The following EDC4 variants were observed in gnomAD, a reference collection of about 807,000 sequenced individuals.
The protein encoded by EDC4 is enhancer of mRNA decapping 4.
A neutral mutation model predicts 155.8 loss-of-function variants in EDC4; 64 were observed. That is an observed-to-expected ratio of 0.41 (90% confidence interval 0.34 to 0.51). The LOEUF is 0.51. Ranked by LOEUF, EDC4 falls within the 20% of genes least tolerant of loss-of-function variation. The pLI is 0.19. For synonymous variants in EDC4, 684 were observed against 716.8 expected, an observed-to-expected ratio of 0.95 and a Z score of 0.73; for missense variants, 1,303 against 1,812.5, an observed-to-expected ratio of 0.72 and a Z score of 5.10.
chr16:67,879,303 A>G lies in EDC4; in HGVS notation c.1535A>G (p.His512Arg). 6.2e-7 allele frequency: 1 copy of G among 1,614,188 alleles called. No individual in the cohort carries two copies. Among genetic ancestry groups the G allele is most frequent in the Non-Finnish European group, 8.5e-7 (1 of 1,180,018 alleles). Residue 512 changes from histidine to arginine, a missense_variant, in exon 13 of 29, where the codon CAT becomes CGT. Physicochemically the swap from His to Arg is conservative, Grantham distance 29. Around this residue, in one of 5 missense-constraint regions of EDC4, gnomAD observed 391 missense variants for 445.4 expected, o/e 0.88. Transcript: ENST00000358933. This position sits in a 1 kb window ranked among gnomAD's most constrained non-coding sequence, Gnocchi z 6.0. ...AGVLIKLFCV[H>R]TKALQDVQIR... is the part of the protein sequence containing the mutation. The stretch of plus-strand genomic sequence containing the variant: ...GTGCTCATCAAGCTCTTTTGTGTGC[A>G]TACTAAGTGAGTGAGTGGGGAGGCC...
Position 67,879,376 on chromosome 16 carries a change from T to A in EDC4, c.1542-36T>A. 1 of 1,614,194 alleles carries A rather than the reference T, an allele frequency of 6.2e-7. No individual in the cohort carries two copies. Among genetic ancestry groups the A allele is most frequent in the Non-Finnish European group, 8.5e-7 (1 of 1,180,028 alleles). ...GTCTCCACTCTACTGACCCTTGCCC[T>A]TGGAGCACTTTATTCTCCCCCTTCT... On this transcript the variant is annotated intron_variant, in intron 13 of 28. Transcript: ENST00000358933. The surrounding 1 kb of genome is among the most constrained non-coding windows in gnomAD (Gnocchi z 6.0).
Position 67,879,242 on chromosome 16 carries a change from A to G in EDC4, c.1474A>G (p.Thr492Ala), listed in dbSNP as rs769842644. 6.2e-7 allele frequency: 1 copy of G among 1,614,110 alleles called. No homozygotes were observed. Among genetic ancestry groups the G allele is most frequent in the Non-Finnish European group, 8.5e-7 (1 of 1,180,002 alleles). ...EENDSLGADGTHGAGAMESAA... is the reference protein window; with the variant it reads ...EENDSLGADGAHGAGAMESAA... ...CATCCACACTGTCCTTTCAGATGGT[A>G]CCCATGGAGCCGGTGCCATGGAGTC... Residue 492 changes from threonine (T) to alanine (A), a missense_variant, in exon 13 of 29, where the codon ACC (threonine) becomes GCC (alanine). Coordinates refer to ENST00000358933, the MANE Select transcript of EDC4 (RefSeq NM_014329.5). This position sits in a 1 kb window ranked among gnomAD's most constrained non-coding sequence, Gnocchi z 6.0.
In EDC4 at chr16:67,882,169, G is replaced by A. The variant is rs1427033064; in HGVS notation, c.3161-43G>A. The A allele has an allele frequency of 6.2e-7, 1 of 1,613,278 alleles. No individual in the cohort carries two copies. Among genetic ancestry groups the A allele is most frequent in the Non-Finnish European group, 8.5e-7 (1 of 1,179,782 alleles). On this transcript the variant is annotated intron_variant, in intron 23 of 28. Coordinates refer to ENST00000358933, the MANE Select transcript of EDC4 (RefSeq NM_014329.5). This position sits in a 1 kb window ranked among gnomAD's most constrained non-coding sequence, Gnocchi z 7.2. ...CAGGTGGGAGTGGGGTACCTGTCAAGCTTCTTCTCATGGCTCCACCTCACC... is the reference window on the plus strand; with the variant it reads ...CAGGTGGGAGTGGGGTACCTGTCAAACTTCTTCTCATGGCTCCACCTCACC...
At chr16:67,875,033 T>A (rs1598174714) in intron 1 of EDC4, among the ~76,000 whole-genome samples, 1 of 152,280 alleles carries the variant, frequency 6.6e-6, no homozygotes, top group East Asian at 1.9e-4. Context: ...TGAGCCGAGA[T>A]CGCGCCAAAA....
Position 67,879,367 on chromosome 16 carries a change from C to G in EDC4, c.1542-45C>G, listed in dbSNP as rs1482726790. Reference sequence around the variant, plus strand: ...TCTGTGTCTGTCTCCACTCTACTGACCCTTGCCCTTGGAGCACTTTATTCT... The same window carrying G: ...TCTGTGTCTGTCTCCACTCTACTGAGCCTTGCCCTTGGAGCACTTTATTCT... On this transcript the variant is annotated intron_variant, in intron 13 of 28. Coordinates refer to ENST00000358933, the MANE Select transcript of EDC4 (RefSeq NM_014329.5). This position sits in a 1 kb window ranked among gnomAD's most constrained non-coding sequence, Gnocchi z 6.0. 1.2e-6 allele frequency: 2 copies of G among 1,614,204 alleles called. No individual in the cohort carries two copies. Among genetic ancestry groups the G allele is most frequent in the Admixed American group, 3.3e-5 (2 of 60,032 alleles).
rs1555497176 is a variant in EDC4, at chr16:67,879,864, C to T, written c.1836C>T (p.Pro612=). 2 of 1,590,984 alleles carry T rather than the reference C, an allele frequency of 1.3e-6. No individual in the cohort carries two copies. The highest frequency in any genetic ancestry group is 2.3e-5 in the South Asian group (2 of 88,386). The part of the protein sequence containing the change: ...SASLQQITAS[P]SSSSSGSSSS... ...CATCTCCCCAGATCACTGCCTCTCC[C>T]AGCAGCAGCAGCAGCGGTAGCAGCA... The change falls in exon 16 of 29, where the codon CCC becomes CCT. Residue 612 remains proline, a synonymous_variant. Transcript: ENST00000358933. This position sits in a 1 kb window ranked among gnomAD's most constrained non-coding sequence, Gnocchi z 6.0.
chr16:67,873,452 C>G, intron 1 of EDC4, 109 bp downstream of exon 1: 6 of 918,778 alleles, frequency 6.5e-6, no homozygotes, highest in Non-Finnish European at 9.0e-6. Flanking sequence ...CTGGATCCTC[C>G]CGGCGGGTAA....
Position 67,879,779 on chromosome 16 carries a change from T to C in EDC4, c.1821+5T>C, listed in dbSNP as rs1038067090. 4.3e-6 allele frequency: 7 copies of C among 1,613,644 alleles called. No individual in the cohort carries two copies. The highest frequency in any genetic ancestry group is 1.3e-5 in the African/African-American group (1 of 74,888). Reference sequence around the variant, plus strand: ...CCTAGCGCCTCCTTGCAGCAGGTACTCTCCCAGGGTAGGGGGACCTGGGAA... The same window carrying C: ...CCTAGCGCCTCCTTGCAGCAGGTACCCTCCCAGGGTAGGGGGACCTGGGAA... On this transcript the variant is annotated splice_donor_5th_base_variant and intron_variant, in intron 15 of 28. Coordinates refer to ENST00000358933, the MANE Select transcript of EDC4 (RefSeq NM_014329.5). This position sits in a 1 kb window ranked among gnomAD's most constrained non-coding sequence, Gnocchi z 6.0.
Position 67,877,613 on chromosome 16 carries a change from G to C in EDC4, c.746G>C (p.Cys249Ser). The C allele has an allele frequency of 6.2e-7, 1 of 1,614,202 alleles. No individual in the cohort carries two copies. Among genetic ancestry groups the C allele is most frequent in the Non-Finnish European group, 8.5e-7 (1 of 1,180,036 alleles). ...PFIPEESEDCCEESSPTVALL... is the reference protein window; with the variant it reads ...PFIPEESEDCSEESSPTVALL... ...ATCCCTGAGGAGAGCGAAGACTGCT[G>C]TGAGGAGAGCAGCCCAACAGTGGCC... is the stretch of plus-strand genomic sequence containing the variant. The change falls in exon 6 of 29, where the codon TGT (cysteine) becomes TCT (serine). Residue 249 changes from cysteine (C) to serine (S), a missense_variant. Physicochemically the swap from Cys to Ser is moderately radical, Grantham distance 112 (BLOSUM62 -1). Transcript: ENST00000358933. This position sits in a 1 kb window ranked among gnomAD's most constrained non-coding sequence, Gnocchi z 4.9.
rs1297205501 is a variant in EDC4, at chr16:67,879,969, C to T, written c.1941C>T (p.Thr647=). 1 of 1,606,238 alleles carries T rather than the reference C, an allele frequency of 6.2e-7. No individual in the cohort carries two copies. The highest frequency in any genetic ancestry group is 8.5e-7 in the Non-Finnish European group (1 of 1,174,728). Residue 647 remains threonine, a splice_region_variant and synonymous_variant, in exon 16 of 29, where the codon ACC becomes ACT. Coordinates refer to ENST00000358933, the MANE Select transcript of EDC4 (RefSeq NM_014329.5). This position sits in a 1 kb window ranked among gnomAD's most constrained non-coding sequence, Gnocchi z 6.0. ...SSTSAVDPSL[T]RPPEELTLSP... ...CCTCAGCTGTGGACCCCTCCTTGAC[C>T]AGGTGAGGCAAGGGTCAGAGATGGA...
chr16:67,880,920 A>G lies in EDC4; in HGVS notation c.2461A>G (p.Thr821Ala). The part of the protein sequence containing the change: ...LEAALTQEAS[T>A]PDSQVWPTAP... Reference sequence around the variant, plus strand: ...GGCAGCCTTGACCCAGGAGGCCTCGACTCCTGACAGTCAGGTTTGGCCCAC... The same window carrying G: ...GGCAGCCTTGACCCAGGAGGCCTCGGCTCCTGACAGTCAGGTTTGGCCCAC... The change falls in exon 18 of 29, where the codon ACT (threonine) becomes GCT (alanine). Residue 821 changes from threonine to alanine, a missense_variant. Thr to Ala is a moderately conservative substitution (Grantham distance 58). Transcript: ENST00000358933. This position sits in a 1 kb window ranked among gnomAD's most constrained non-coding sequence, Gnocchi z 5.2. 1.2e-6 allele frequency: 2 copies of G among 1,613,232 alleles called. No individual in the cohort carries two copies. The highest frequency in any genetic ancestry group is 1.7e-6 in the Non-Finnish European group (2 of 1,179,782).
Position 67,878,689 on chromosome 16 carries a change from GCTT to G in EDC4, c.1185-46_1185-44del. 1 of 1,614,190 alleles carries G rather than the reference GCTT, an allele frequency of 6.2e-7. No homozygotes were observed. The highest frequency in any genetic ancestry group is 8.5e-7 in the Non-Finnish European group (1 of 1,180,032). ...CAGGGGCGGCAGGGTTGGGAATGTA[GCTT>G]CCTTCAGTTCTCAGGCTCATTCACT... On this transcript the variant is annotated intron_variant, in intron 10 of 28. Transcript: ENST00000358933. This position sits in a 1 kb window ranked among gnomAD's most constrained non-coding sequence, Gnocchi z 5.2.
chr16:67,876,193 G>C lies in EDC4; in HGVS notation c.239+92G>C. 7.3e-7 allele frequency: 1 copy of C among 1,371,102 alleles called. No individual in the cohort carries two copies. Among genetic ancestry groups the C allele is most frequent in the East Asian group, 2.3e-5 (1 of 43,306 alleles). 84.9% of individuals were successfully genotyped at this position (1,371,102 alleles called of 1,614,324 possible). A position where few individuals can be genotyped will look rare whatever the true frequency, so the allele number is the denominator to read the frequency against. ...AGATGGGGAGTGAGCGGGGCCAGCA[G>C]CCTCTGCTGCTTCCTCTCTAGATGA... On this transcript the variant is annotated intron_variant, in intron 2 of 28. Transcript: ENST00000358933. The surrounding 1 kb of genome is among the most constrained non-coding windows in gnomAD (Gnocchi z 5.8).
chr16:67,877,996 C>T lies in EDC4; in HGVS notation c.894+151C>T. The T allele has an allele frequency of 6.8e-7, 1 of 1,480,784 alleles. No homozygotes were observed. Among genetic ancestry groups the T allele is most frequent in the African/African-American group, 1.4e-5 (1 of 71,684 alleles). 91.7% of individuals were successfully genotyped at this position (1,480,784 alleles called of 1,614,324 possible). On this transcript the variant is annotated intron_variant, in intron 7 of 28. Coordinates refer to ENST00000358933, the MANE Select transcript of EDC4 (RefSeq NM_014329.5). This position sits in a 1 kb window ranked among gnomAD's most constrained non-coding sequence, Gnocchi z 4.9. ...TTGGCCCTCACCTGTGCAGCTTTCT[C>T]CTTATCTAGCAGCACCCTGCAGGTC...
rs1269812887 is a variant in EDC4 at position 67,877,051 on chromosome 16, C to T, written c.451+79C>T. 1.9e-6 allele frequency: 3 copies of T among 1,579,346 alleles called. No homozygotes were observed. The highest frequency in any genetic ancestry group is 8.6e-7 in the Non-Finnish European group (1 of 1,161,586). The stretch of plus-strand genomic sequence containing the variant: ...CAGTTCCAACATCAGGCCACTCAGG[C>T]CTTAGGGGTACAATGGAAGGTTTGT... On this transcript the variant is annotated intron_variant, in intron 4 of 28. Transcript: ENST00000358933. This position sits in a 1 kb window ranked among gnomAD's most constrained non-coding sequence, Gnocchi z 4.9.
intron 1 of EDC4, among the ~76,000 whole-genome samples, chr16:67,875,403 C>G (rs2058037279): frequency 6.6e-6 from 1 of 152,186 alleles, no homozygotes. Context: ...CTTGATCTCT[C>G]TCACCCAGAT....
chr16:67,873,249 C>A lies in EDC4; in HGVS notation c.-13C>A, dbSNP rs2058027236. 7.2e-7 allele frequency: 1 copy of A among 1,392,172 alleles called. No homozygotes were observed. The allele number at this position is 1,392,172 out of a possible 1,614,324, so 86.2% of individuals were successfully genotyped here. ...ACGAACGCGGTGCGGGCGGGGCGCC[C>A]GCCGCAGGGCCCATGGCCTCCTGCG... is the stretch of plus-strand genomic sequence containing the variant. On this transcript the variant is annotated 5_prime_UTR_variant, in exon 1 of 29. Coordinates refer to ENST00000358933, the MANE Select transcript of EDC4 (RefSeq NM_014329.5).
chr16:67,882,180 T>C lies in EDC4; in HGVS notation c.3161-32T>C, dbSNP rs759377066. Reference sequence around the variant, plus strand: ...GGGGTACCTGTCAAGCTTCTTCTCATGGCTCCACCTCACCCTCTTCCCCTC... The same window carrying C: ...GGGGTACCTGTCAAGCTTCTTCTCACGGCTCCACCTCACCCTCTTCCCCTC... On this transcript the variant is annotated intron_variant, in intron 23 of 28. Coordinates refer to ENST00000358933, the MANE Select transcript of EDC4 (RefSeq NM_014329.5). The surrounding 1 kb of genome is among the most constrained non-coding windows in gnomAD (Gnocchi z 7.2). 1 of 1,613,366 alleles carries C rather than the reference T, an allele frequency of 6.2e-7. No homozygotes were observed. Among genetic ancestry groups the C allele is most frequent in the Non-Finnish European group, 8.5e-7 (1 of 1,179,750 alleles).
Position 67,873,363 on chromosome 16 carries a change from G to C in EDC4, c.82+20G>C. 7.0e-7 allele frequency: 1 copy of C among 1,432,108 alleles called. No individual in the cohort carries two copies. Among genetic ancestry groups the C allele is most frequent in the South Asian group, 1.4e-5 (1 of 71,600 alleles). 88.7% of individuals were successfully genotyped at this position (1,432,108 alleles called of 1,614,324 possible). On this transcript the variant is annotated intron_variant, in intron 1 of 28. Transcript: ENST00000358933. ...CGGGCGGTGAGCGGGGGTTGCGGGG[G>C]TGGGCCCCAGGCGAGCTGACAAAAG...
Sources: gnomAD v4.1 joint callset for allele counts (sites outside exome capture counted in the v4.1 genomes callset) on GRCh38, gnomAD v4.1.1 for gene constraint, gnomAD v4.1.1 regional missense constraint, Gnocchi (gnomAD v3.1) non-coding constraint, MANE v1.5 for transcripts, NCBI Gene and HGNC (gene_info 2026-07-23, HGNC 2026-07-21) for gene names.